HAUS1: variants seen among roughly 807,000 people sequenced by gnomAD.
The protein encoded by HAUS1 is HAUS augmin like complex subunit 1, also known as HAUS augmin-like complex subunit 1.
Under a neutral mutation model 38.6 loss-of-function variants are expected in HAUS1, and 25 were observed. That is an observed-to-expected ratio of 0.65 (90% CI 0.47 to 0.91). The LOEUF is 0.91. Among genes scored for constraint, HAUS1 ranks in the 40% least tolerant of loss-of-function variants. The pLI is 0.00. For missense variants in HAUS1, 325 were observed against 328.4 expected, an observed-to-expected ratio of 0.99 and a Z score of 0.08; for synonymous variants, 109 against 112.9, an observed-to-expected ratio of 0.97 and a Z score of 0.22.
At chr18:46,112,075 T>TG (rs1223892984) in intron 2 of HAUS1, among the ~76,000 whole-genome samples, 5 of 150,090 alleles carry the variant, frequency 3.3e-5, no homozygotes, top group African/African-American at 9.8e-5. Context: ...TTAGTAGAGA[T>TG]GGGGTTTCAC....
At chr18:46,125,923 TCTC>T (rs1291133497) in intron 8 of HAUS1, 132 bp downstream of exon 8, 1 of 633,750 alleles carries the variant, frequency 1.6e-6, no homozygotes, top group Non-Finnish European at 2.8e-6. Context: ...TGTGTATCAT[TCTC>T]CTGCATCTTT....
Position 46,122,452 on chromosome 18 carries a change from T to C in HAUS1, c.477-15T>C. On this transcript the variant is annotated splice_polypyrimidine_tract_variant and intron_variant, in intron 4 of 8. Transcript: ENST00000282058. Reference sequence around the variant, plus strand: ...AAGAAGAAGAAGAAAATGTTTTTAATTTTGCTTTTTAAAGGGATGTCAAGA... The same window carrying C: ...AAGAAGAAGAAGAAAATGTTTTTAACTTTGCTTTTTAAAGGGATGTCAAGA... 1 of 1,611,078 alleles carries C rather than the reference T, an allele frequency of 6.2e-7. No individual in the cohort carries two copies. The highest frequency in any genetic ancestry group is 1.7e-5 in the Admixed American group (1 of 59,916).
chr18:46,124,341 CAG>C (rs1640074159), intron 6 of HAUS1, among the ~76,000 whole-genome samples: 2 of 148,214 alleles, frequency 1.3e-5, no homozygotes, highest in East Asian at 2.0e-4. Context: ...CACTTGAACT[CAG>C]GGGGCGGAGG....
intron 8 of HAUS1, 23 bp from the exon 9 acceptor site, chr18:46,128,052 A>G (rs765843614): frequency 1.4e-6 from 2 of 1,463,992 alleles, no homozygotes; most frequent in Admixed American, 2.2e-5. Flanking sequence ...GTCCTTATCT[A>G]TGGTATGTCT....
intron 2 of HAUS1, among the ~76,000 whole-genome samples, chr18:46,112,106 C>G (rs1258571223): frequency 6.7e-6 from 1 of 149,972 alleles, no homozygotes; most frequent in Non-Finnish European, 1.5e-5. Flanking sequence ...AGGCTGGTCT[C>G]GATCTCCTGA....
chr18:46,115,573 A>G (rs1162612036), intron 2 of HAUS1, among the ~76,000 whole-genome samples: 2 of 151,868 alleles, frequency 1.3e-5, no homozygotes, highest in African/African-American at 4.8e-5. Flanking sequence ...GGTTGCAGTG[A>G]GCCAATATCG....
chr18:46,127,273 A>G (rs1414257448), intron 8 of HAUS1, among the ~76,000 whole-genome samples: 1 of 151,994 alleles, frequency 6.6e-6, no homozygotes. Flanking sequence ...TGCCTGGCCA[A>G]AGCTATACTT....
At chr18:46,121,768 C>G (rs1385820447) in intron 4 of HAUS1, 1 of 152,094 alleles carries the variant, frequency 6.6e-6, no homozygotes, top group Non-Finnish European at 1.5e-5. Flanking sequence ...GAATAATTGG[C>G]TTACATTAAT....
intron 2 of HAUS1, among the ~76,000 whole-genome samples, chr18:46,109,319 A>T (rs749850885): frequency 4.6e-5 from 7 of 152,104 alleles, no homozygotes; most frequent in African/African-American, 1.2e-4. Flanking sequence ...CCCATGATCC[A>T]ATCACCTTCC....
intron 2 of HAUS1, 178 bp downstream of exon 2, chr18:46,105,546 ATGTATG>A (rs774190159): frequency 0.067 from 31,833 of 475,812 alleles, 2,618 homozygotes; most frequent in East Asian, 0.24. Context: ...ATATATGTAT[ATGTATG>A]TGTGTGTGTG....
chr18:46,118,252 A>C lies in HAUS1; in HGVS notation c.277A>C (p.Arg93=). The C allele has an allele frequency of 6.2e-7, 1 of 1,612,782 alleles. No individual in the cohort carries two copies. The highest frequency in any genetic ancestry group is 8.5e-7 in the Non-Finnish European group (1 of 1,179,858). The change falls in exon 3 of 9, where the codon AGG becomes CGG. Residue 93 remains arginine, a synonymous_variant. Transcript: ENST00000282058. ...SPANLSSTGS[R]YLNALVDSAV... Reference sequence around the variant, plus strand: ...CGCCAATCTCTCTAGCACTGGTTCCAGGTATCTGAATGCTTTGGTTGACAG... The same window carrying C: ...CGCCAATCTCTCTAGCACTGGTTCCCGGTATCTGAATGCTTTGGTTGACAG...
chr18:46,118,343 C>T (rs1866321), intron 3 of HAUS1, 27 bp downstream of exon 3: 895,796 of 1,606,594 alleles, frequency 0.56, 251,746 homozygotes, highest in African/African-American at 0.72. Context: ...TTTTAATTTC[C>T]GCAATCATAT....
rs115018280 is a variant in HAUS1, at chr18:46,118,227, C to T, written c.252C>T (p.Pro84=). The T allele has an allele frequency of 1.8e-3, 2,837 of 1,612,230 alleles. 30 individuals carry two copies. The African/African-American group carries it at 0.022, about 12-fold the overall frequency. ...DLLMESVNFS[P]ANLSSTGSRY... The stretch of plus-strand genomic sequence containing the variant: ...TCATGGAGAGTGTGAATTTTTCCCC[C>T]GCCAATCTCTCTAGCACTGGTTCCA... Residue 84 remains proline, a synonymous_variant, in exon 3 of 9, where the codon CCC becomes CCT. Transcript: ENST00000282058.
chr18:46,123,751 A>G (rs962442934), intron 6 of HAUS1, among the ~76,000 whole-genome samples: 1 of 152,192 alleles, frequency 6.6e-6, no homozygotes, highest in East Asian at 1.9e-4. Flanking sequence ...TTTAGGTTAT[A>G]TAAAGGTTTT....
Position 46,119,919 on chromosome 18 carries a change from C to G in HAUS1, c.342-7C>G. Reference sequence around the variant, plus strand: ...AGCCCATGTATATGACCAGATTCTTCTTTTAGTTTTATCCCTGCAGTGAAT... The same window carrying G: ...AGCCCATGTATATGACCAGATTCTTGTTTTAGTTTTATCCCTGCAGTGAAT... On this transcript the variant is annotated splice_polypyrimidine_tract_variant and splice_region_variant and intron_variant, in intron 3 of 8. Transcript: ENST00000282058. 1 of 1,575,276 alleles carries G rather than the reference C, an allele frequency of 6.3e-7. No individual in the cohort carries two copies. Among genetic ancestry groups the G allele is most frequent in the South Asian group, 1.2e-5 (1 of 83,312 alleles).
intron 2 of HAUS1, among the ~76,000 whole-genome samples, chr18:46,115,811 C>T (rs1479225696): frequency 2.0e-5 from 3 of 152,074 alleles, no homozygotes; most frequent in Admixed American, 6.6e-5. Flanking sequence ...TCTCAAAGGA[C>T]ACCATCAAGA....
At chr18:46,116,299 C>G (rs1311654980) in intron 2 of HAUS1, among the ~76,000 whole-genome samples, 1 of 151,918 alleles carries the variant, frequency 6.6e-6, no homozygotes, top group African/African-American at 2.4e-5. Flanking sequence ...CAGTGGCTCA[C>G]ACCTGTAATC....
chr18:46,110,333 GTTTTTTTTT>G (rs71160713), intron 2 of HAUS1, among the ~76,000 whole-genome samples: 2 of 49,994 alleles, frequency 4.0e-5, no homozygotes, highest in African/African-American at 8.7e-5. Flanking sequence ...TTTTTTTAAG[GTTTTTTTTT>G]TTTTTTTTTT....
At position 46,124,839 on chromosome 18, in the gene HAUS1, G is replaced by A. The variant is rs758936058; in HGVS notation, c.684G>A (p.Lys228=). ...ACCCCCAGAAACTGGCAAGATTAAA[G>A]CAACAGACTATACCTTTGAAGAAAA... The part of the protein sequence containing the change: ...VALSEKLARL[K]QQTIPLKKKL... The change falls in exon 7 of 9, where the codon AAG becomes AAA. Residue 228 remains lysine, a synonymous_variant. Transcript: ENST00000282058. The A allele has an allele frequency of 6.2e-7, 1 of 1,603,556 alleles. No homozygotes were observed. Among genetic ancestry groups the A allele is most frequent in the South Asian group, 1.1e-5 (1 of 90,432 alleles).
Sources: gnomAD v4.1 joint callset for allele counts (sites outside exome capture counted in the v4.1 genomes callset) on GRCh38, gnomAD v4.1.1 for gene constraint, MANE v1.5 for transcripts, NCBI Gene and HGNC (gene_info 2026-07-23, HGNC 2026-07-21) for gene names.